NELL1: variants seen among roughly 807,000 people sequenced by gnomAD.
The protein encoded by NELL1 is protein kinase C-binding protein NELL1.
In NELL1, 76 loss-of-function variants were observed where a neutral mutation model predicts 107.4. That is an observed-to-expected ratio of 0.71 (90% CI 0.59 to 0.86). The LOEUF is 0.86. NELL1 is among the 40% of genes least tolerant of loss of function. The pLI, the probability that NELL1 is intolerant of heterozygous loss-of-function variation, is 0.00. For synonymous variants in NELL1, 353 were observed against 341.2 expected (o/e 1.03, Z -0.38); for missense variants, 1,024 against 1,005.5 (o/e 1.02, Z -0.25).
intron 12 of NELL1, among the ~76,000 whole-genome samples, chr11:21,018,899 T>C (rs1355119312): frequency 6.6e-6 from 1 of 152,144 alleles, no homozygotes; most frequent in Non-Finnish European, 1.5e-5. Flanking sequence ...TTCAGCTCTG[T>C]GTTCTACTTC....
chr11:21,023,307 C>T (rs369460175), intron 12 of NELL1, among the ~76,000 whole-genome samples: 1 of 151,900 alleles, frequency 6.6e-6, no homozygotes, highest in Non-Finnish European at 1.5e-5. Context: ...TGTGACTAAG[C>T]CTTAGTACCT....
At chr11:20,930,771 A>G (rs1305170468) in intron 9 of NELL1, among the ~76,000 whole-genome samples, 1 of 151,408 alleles carries the variant, frequency 6.6e-6, no homozygotes, top group Non-Finnish European at 1.5e-5. Flanking sequence ...CAATTTTATT[A>G]AAATGTTGAT....
chr11:20,799,610 C>T (rs960666116), intron 3 of NELL1, among the ~76,000 whole-genome samples: 16 of 151,886 alleles, frequency 1.1e-4, no homozygotes, highest in Non-Finnish European at 1.6e-4. Flanking sequence ...GGTAGTTCAC[C>T]ATTTGAAGCA....
intron 2 of NELL1, among the ~76,000 whole-genome samples, chr11:20,747,006 T>C (rs1177049127): frequency 1.3e-5 from 2 of 152,190 alleles, no homozygotes; most frequent in African/African-American, 4.8e-5. Context: ...AGTTAGCTGA[T>C]TATTGGTCTG....
chr11:20,678,040 G>A lies in NELL1; in HGVS notation c.164G>A (p.Ser55Asn), dbSNP rs1472224570. 2 of 1,614,122 alleles carry A rather than the reference G, an allele frequency of 1.2e-6. No individual in the cohort carries two copies. Among genetic ancestry groups the A allele is most frequent in the South Asian group, 1.1e-5 (1 of 91,074 alleles). ...VAQVSGMHNA[S>N]KAFLFQDIER... is the part of the protein sequence containing the mutation. ...CAGGTGTCTGGAATGCACAATGCCA[G>A]CAAAGCATTTTTATTTCAAGGTAAA... The change falls in exon 2 of 20, where the codon AGC becomes AAC. Residue 55 changes from serine to asparagine, a missense_variant. By Grantham distance (46) the Ser-to-Asn change is conservative. Coordinates refer to ENST00000357134, the MANE Select transcript of NELL1 (RefSeq NM_006157.5).
intron 15 of NELL1, among the ~76,000 whole-genome samples, chr11:21,399,051 A>C (rs1852040122): frequency 1.3e-5 from 2 of 151,538 alleles, no homozygotes; most frequent in Non-Finnish European, 2.9e-5. Flanking sequence ...GAAAGAAAAA[A>C]AAAATATTAG....
intron 15 of NELL1, among the ~76,000 whole-genome samples, chr11:21,450,941 A>G (rs1438322152): frequency 6.6e-6 from 1 of 152,118 alleles, no homozygotes; most frequent in Non-Finnish European, 1.5e-5. Context: ...CTGTAATCCC[A>G]GCACTTTGGG....
intron 12 of NELL1, among the ~76,000 whole-genome samples, chr11:21,005,147 A>G (rs907670243): frequency 5.9e-5 from 9 of 152,162 alleles, no homozygotes; most frequent in Non-Finnish European, 8.8e-5. Context: ...CTTGTGTTTC[A>G]TTATTATATT....
intron 4 of NELL1, among the ~76,000 whole-genome samples, chr11:20,870,504 G>A (rs948434626): frequency 1.3e-5 from 2 of 152,056 alleles, no homozygotes; most frequent in Non-Finnish European, 2.9e-5. Context: ...TAATTAAAGA[G>A]AGGATGGGAG....
At chr11:21,178,407 C>G (rs1367875828) in intron 13 of NELL1, among the ~76,000 whole-genome samples, 1 of 151,804 alleles carries the variant, frequency 6.6e-6, no homozygotes, top group Non-Finnish European at 1.5e-5. Flanking sequence ...CTTAAGGACA[C>G]TTTGCTAGGG....
chr11:20,840,483 G>A (rs1363867126), intron 3 of NELL1, among the ~76,000 whole-genome samples: 1 of 152,184 alleles, frequency 6.6e-6, no homozygotes, highest in Non-Finnish European at 1.5e-5. Context: ...AGGCCAGCTG[G>A]AGGTGTTTTC....
At chr11:21,183,987 G>A (rs1565100244) in intron 13 of NELL1, among the ~76,000 whole-genome samples, 1 of 151,752 alleles carries the variant, frequency 6.6e-6, no homozygotes, top group Non-Finnish European at 1.5e-5. Flanking sequence ...TTTCTTACAT[G>A]TTGGCCCATA....
intron 12 of NELL1, among the ~76,000 whole-genome samples, chr11:21,051,006 C>T (rs1045432308): frequency 6.6e-6 from 1 of 152,126 alleles, no homozygotes; most frequent in Non-Finnish European, 1.5e-5. Context: ...ACTTCCTGGA[C>T]TCTGCACCCA....
intron 15 of NELL1, among the ~76,000 whole-genome samples, chr11:21,448,637 C>T (rs1853504586): frequency 6.6e-6 from 1 of 152,122 alleles, no homozygotes; most frequent in Non-Finnish European, 1.5e-5. Flanking sequence ...TGTGGGTATG[C>T]ACCCATGAAA....
intron 13 of NELL1, among the ~76,000 whole-genome samples, chr11:21,122,888 G>A (rs190039152): frequency 8.5e-4 from 129 of 152,268 alleles, no homozygotes; most frequent in South Asian, 1.9e-3. Context: ...TGTGCGGACA[G>A]GTTTTTCAGA....
chr11:21,133,603 C>T (rs1855674429), intron 13 of NELL1, among the ~76,000 whole-genome samples: 1 of 152,172 alleles, frequency 6.6e-6, no homozygotes, highest in South Asian at 2.1e-4. Flanking sequence ...ACTGGTGTGT[C>T]AGTGCTGCCC....
chr11:21,200,364 T>C (rs749367451), intron 13 of NELL1, among the ~76,000 whole-genome samples: 29 of 152,188 alleles, frequency 1.9e-4, no homozygotes, highest in Non-Finnish European at 3.8e-4. Context: ...GGTATCTCAT[T>C]GTGGTTTTGA....
At chr11:20,701,582 C>A (rs1854789267) in intron 2 of NELL1, among the ~76,000 whole-genome samples, 2 of 152,028 alleles carry the variant, frequency 1.3e-5, no homozygotes, top group Non-Finnish European at 2.9e-5. Flanking sequence ...AAGTCCTTGC[C>A]CATGCCTATG....
Position 20,716,632 on chromosome 11 carries a change from G to A in NELL1, c.184+38572G>A, listed in dbSNP as rs377347718. The stretch of plus-strand genomic sequence containing the variant: ...CCATATACAAGATAGATAGTAGAGA[G>A]GGCTTATGTCTAGTGGCAAAATGTG... On this transcript the variant is annotated intron_variant, in intron 2 of 19. Coordinates refer to ENST00000357134, the MANE Select transcript of NELL1 (RefSeq NM_006157.5). Among the ~76,000 whole-genome samples the A allele has an allele frequency of 2.0e-4, 31 of 152,264 alleles. 1 individual carries two copies. The East Asian group carries it at 2.1e-3, about 10-fold the overall frequency.
Sources: gnomAD v4.1 joint callset for allele counts (sites outside exome capture counted in the v4.1 genomes callset) on GRCh38, gnomAD v4.1.1 for gene constraint, MANE v1.5 for transcripts, NCBI Gene and HGNC (gene_info 2026-07-23, HGNC 2026-07-21) for gene names.